ZNF345: variants seen among roughly 807,000 people sequenced by gnomAD.
The protein encoded by ZNF345 is zinc finger protein 345.
For synonymous variants in ZNF345, 166 were observed against 187.9 expected, an observed-to-expected ratio of 0.88 and a Z score of 0.95; for missense variants, 527 against 589.9, an observed-to-expected ratio of 0.89 and a Z score of 1.10.
downstream of ZNF345, among the ~76,000 whole-genome samples, chr19:36,882,340 T>C (rs1219446543): frequency 6.6e-6 from 1 of 152,136 alleles, no homozygotes; most frequent in Non-Finnish European, 1.5e-5. Flanking sequence ...TGATCTCGGC[T>C]CACTGCAACC....
At position 36,877,189 on chromosome 19, in the gene ZNF345, G is replaced by C. The variant is rs780816104; in HGVS notation, c.359G>C (p.Cys120Ser). The C allele has an allele frequency of 1.3e-5, 21 of 1,614,032 alleles. No homozygotes were observed. The South Asian group carries it at 2.2e-4, about 17-fold the overall frequency. The change falls in exon 3 of 3, where the codon TGT (cysteine) becomes TCT (serine). Residue 120 changes from cysteine (C) to serine (S), a missense_variant. Transcript: ENST00000420450. ...RIHTGEKPFE[C>S]KECGKAFGSG... ...CATACTGGTGAGAAGCCTTTTGAAT[G>C]TAAAGAATGTGGGAAGGCCTTTGGT...
chr19:36,862,321 C>A (rs2072565871), intron 2 of ZNF345, among the ~76,000 whole-genome samples: 1 of 151,942 alleles, frequency 6.6e-6, no homozygotes, highest in African/African-American at 2.4e-5. Flanking sequence ...TTACTCTGTT[C>A]TTGGTGACTT....
At chr19:36,884,903 T>G (rs1243057382) in intron 3 of ZNF345, among the ~76,000 whole-genome samples, 1 of 152,238 alleles carries the variant, frequency 6.6e-6, no homozygotes, top group Non-Finnish European at 1.5e-5. Context: ...ACTCATTCTT[T>G]CGTTGATGGG....
chr19:36,892,543 A>G (rs2073068207), intron 3 of ZNF345: 6 of 1,410,480 alleles, frequency 4.3e-6, no homozygotes, highest in East Asian at 4.6e-5. Context: ...AAGAAATGGG[A>G]GAATTAAACT....
intron 2 of ZNF345, among the ~76,000 whole-genome samples, chr19:36,866,229 A>C (rs2072657283): frequency 6.6e-6 from 1 of 152,070 alleles, no homozygotes; most frequent in Non-Finnish European, 1.5e-5. Flanking sequence ...TTCCCCTCAA[A>C]GTTTGAGGTT....
intron 2 of ZNF345, among the ~76,000 whole-genome samples, chr19:36,857,030 A>G (rs535601120): frequency 2.4e-4 from 37 of 152,214 alleles, no homozygotes; most frequent in African/African-American, 9.6e-5. Flanking sequence ...TTTTAATGCA[A>G]TCGTTGTGTA....
At chr19:36,865,295 G>A (rs916355988) in intron 2 of ZNF345, among the ~76,000 whole-genome samples, 4 of 152,138 alleles carry the variant, frequency 2.6e-5, no homozygotes, top group African/African-American at 9.7e-5. Flanking sequence ...CTTTTGCAGA[G>A]TGAAAAAATG....
At chr19:36,866,236 G>A (rs1401630504) in intron 2 of ZNF345, among the ~76,000 whole-genome samples, 3 of 151,668 alleles carry the variant, frequency 2.0e-5, no homozygotes, top group Non-Finnish European at 4.4e-5. Context: ...CAAAGTTTGA[G>A]GTTTTTCCTG....
chr19:36,889,360 AGTGC>A (rs2073028821), intron 3 of ZNF345: 1 of 152,176 alleles, frequency 6.6e-6, no homozygotes, highest in Non-Finnish European at 1.5e-5. Flanking sequence ...TAGTTTCAAT[AGTGC>A]TGTTACTAGT....
intron 2 of ZNF345, among the ~76,000 whole-genome samples, chr19:36,866,545 AGTTTT>A (rs61012134): frequency 0.22 from 32,932 of 151,650 alleles, 4,767 homozygotes; most frequent in African/African-American, 0.41. Flanking sequence ...TGTTCTTTTA[AGTTTT>A]GTTTTGTTTT....
chr19:36,865,359 T>C lies in ZNF345; in HGVS notation c.-46-11426T>C, dbSNP rs111350355. Among the ~76,000 whole-genome samples the C allele has an allele frequency of 3.8e-3, 574 of 152,342 alleles. 4 individuals are homozygous for C. The highest frequency in any genetic ancestry group is 0.013 in the African/African-American group (553 of 41,580). ...GGGCAATACATTGATAACTAGCACA[T>C]AGTCTTCTAAGAGTTTTAAAGTTAA... On this transcript the variant is annotated intron_variant, in intron 2 of 2. Coordinates refer to ENST00000420450, the MANE Select transcript of ZNF345 (RefSeq NM_001242472.2).
In ZNF345 at chr19:36,864,216, G is replaced by GA. The variant is rs1231040906; in HGVS notation, c.-47+12314dup. On this transcript the variant is annotated intron_variant, in intron 2 of 2. Coordinates refer to ENST00000420450, the MANE Select transcript of ZNF345 (RefSeq NM_001242472.2). ...GTAAAGGAAACTCTAAAAACCATGG[G>GA]AATTACAGCCATAAAGAGCAGCCAT... Among the ~76,000 whole-genome samples the GA allele has an allele frequency of 1.4e-3, 219 of 152,252 alleles. 1 individual carries two copies. Among genetic ancestry groups the GA allele is most frequent in the African/African-American group, 5.0e-3 (209 of 41,554 alleles).
At chr19:36,863,540 ATTC>A (rs982987097) in intron 2 of ZNF345, among the ~76,000 whole-genome samples, 2 of 152,196 alleles carry the variant, frequency 1.3e-5, no homozygotes, top group Non-Finnish European at 2.9e-5. Context: ...ATTCTTTGCC[ATTC>A]TTCTTTCACA....
intron 3 of ZNF345, chr19:36,890,527 C>CT (rs1453564180): frequency 1.3e-5 from 2 of 151,426 alleles, no homozygotes; most frequent in African/African-American, 2.4e-5. Context: ...CTTCTTTGTC[C>CT]TTTTTAATTT....
intron 3 of ZNF345, chr19:36,892,756 A>T: frequency 2.0e-6 from 1 of 495,248 alleles, no homozygotes; most frequent in Non-Finnish European, 3.4e-6. Context: ...GTTCAGCACC[A>T]TCCTCCATAT....
chr19:36,862,819 C>T (rs1055322300), intron 2 of ZNF345: 1 of 152,004 alleles, frequency 6.6e-6, no homozygotes, highest in Non-Finnish European at 1.5e-5. Flanking sequence ...ACCCCAGCGC[C>T]TTAGAATGTG....
At chr19:36,852,565 C>T (rs1175062659) in intron 2 of ZNF345, among the ~76,000 whole-genome samples, 1 of 151,334 alleles carries the variant, frequency 6.6e-6, no homozygotes, top group African/African-American at 2.4e-5. Flanking sequence ...CAAGATTGTG[C>T]CACTGCCCTC....
Position 36,878,251 on chromosome 19 carries a change from A to T in ZNF345, c.1421A>T (p.Lys474Ile). The change falls in exon 3 of 3, where the codon AAA (lysine) becomes ATA (isoleucine). Residue 474 changes from lysine (K) to isoleucine (I), a missense_variant. Physicochemically the swap from Lys to Ile is moderately radical, Grantham distance 102. Coordinates refer to ENST00000420450, the MANE Select transcript of ZNF345 (RefSeq NM_001242472.2). ...GRDSEFQQHKKSHNGKKLCEL... is the reference protein window; with the variant it reads ...GRDSEFQQHKISHNGKKLCEL... ...GATTCAGAGTTTCAGCAACATAAGA[A>T]AAGTCATAATGGTAAGAAACTCTGC... 6.2e-7 allele frequency: 1 copy of T among 1,604,978 alleles called. No homozygotes were observed. Among genetic ancestry groups the T allele is most frequent in the East Asian group, 2.2e-5 (1 of 44,816 alleles).
At chr19:36,892,528 TA>T (rs1568367158) in intron 3 of ZNF345, 3 of 1,476,230 alleles carry the variant, frequency 2.0e-6, no homozygotes, top group Non-Finnish European at 2.7e-6. Context: ...TTAAAACTTC[TA>T]AAAAAGAAAT....
Sources: gnomAD v4.1 joint callset for allele counts (sites outside exome capture counted in the v4.1 genomes callset) on GRCh38, gnomAD v4.1.1 for gene constraint, MANE v1.5 for transcripts, NCBI Gene and HGNC (gene_info 2026-07-23, HGNC 2026-07-21) for gene names.